Variants in NKAIN2 observed in about 807,000 individuals in gnomAD.
NKAIN2 encodes the protein sodium/potassium transporting ATPase interacting 2, also known as sodium/potassium-transporting ATPase subunit beta-1-interacting protein 2.
In NKAIN2, 14 loss-of-function variants were observed where a neutral mutation model predicts 32.6. The ratio of observed to expected loss-of-function variants is 0.43; its 90% CI spans 0.28 to 0.67. The LOEUF is 0.67. Ranked by LOEUF, NKAIN2 falls within the 30% of genes least tolerant of loss-of-function variation. NKAIN2 has a pLI of 0.17. For synonymous variants in NKAIN2, 80 were observed against 87.2 expected (o/e 0.92, Z 0.46); for missense variants, 198 against 258.3 (o/e 0.77, Z 1.60).
chr6:124,779,247 A>AAGAGAGAGAGAGAGAG (rs71024703), intron 4 of NKAIN2, among the ~76,000 whole-genome samples: 1 of 75,340 alleles, frequency 1.3e-5, no homozygotes, highest in Admixed American at 1.4e-4. Context: ...CCAACAAAGA[A>AAGAGAGAGAGAGAGAG]AGAGAGAGAG....
intron 3 of NKAIN2, among the ~76,000 whole-genome samples, chr6:124,409,600 A>G (rs1257050527): frequency 6.6e-6 from 1 of 152,150 alleles, no homozygotes. Context: ...GTTTGCCAGT[A>G]TTTTATTGAG....
intron 2 of NKAIN2, among the ~76,000 whole-genome samples, chr6:124,334,398 C>T (rs1583065882): frequency 6.6e-6 from 1 of 152,168 alleles, no homozygotes; most frequent in South Asian, 2.1e-4. Context: ...GAACACAAGA[C>T]TGGAGTTTTG....
intron 3 of NKAIN2, among the ~76,000 whole-genome samples, chr6:124,620,044 C>G (rs1456074464): frequency 6.6e-6 from 1 of 152,096 alleles, no homozygotes; most frequent in East Asian, 1.9e-4. Flanking sequence ...TTAAAGCTAC[C>G]TGGCTCATTA....
chr6:124,014,715 C>T (rs927225444), intron 1 of NKAIN2, among the ~76,000 whole-genome samples: 2 of 151,854 alleles, frequency 1.3e-5, no homozygotes, highest in African/African-American at 4.8e-5. Flanking sequence ...TAATAGTTAC[C>T]TCATGCTGTT....
At chr6:124,727,116 C>A (rs1197906129) in intron 4 of NKAIN2, among the ~76,000 whole-genome samples, 9 of 152,066 alleles carry the variant, frequency 5.9e-5, no homozygotes, top group East Asian at 1.9e-4. Context: ...GAATGGAACC[C>A]AGTTGGAAAA....
At chr6:124,374,572 C>T (rs1194688589) in intron 3 of NKAIN2, among the ~76,000 whole-genome samples, 1 of 152,030 alleles carries the variant, frequency 6.6e-6, no homozygotes, top group Non-Finnish European at 1.5e-5. Context: ...ACCTGACTAG[C>T]GAGAAAGCTT....
chr6:124,635,078 CAAAGAAA>C (rs755870457), intron 3 of NKAIN2, among the ~76,000 whole-genome samples: 50 of 147,760 alleles, frequency 3.4e-4, no homozygotes, highest in Non-Finnish European at 5.5e-4. Flanking sequence ...AGAAAAAAGA[CAAAGAAA>C]GAAAGAGAAA....
intron 1 of NKAIN2, among the ~76,000 whole-genome samples, chr6:123,841,653 A>G (rs776794480): frequency 6.6e-6 from 1 of 152,162 alleles, no homozygotes; most frequent in African/African-American, 2.4e-5. Context: ...GAAGAGAGTA[A>G]TGCAACCAAT....
intron 1 of NKAIN2, among the ~76,000 whole-genome samples, chr6:123,839,013 G>A (rs1774749399): frequency 6.6e-6 from 1 of 152,078 alleles, no homozygotes; most frequent in Non-Finnish European, 1.5e-5. Flanking sequence ...CATCTGCACC[G>A]TAGCTATCCT....
chr6:124,560,089 T>C (rs550688992), intron 3 of NKAIN2, among the ~76,000 whole-genome samples: 1 of 152,140 alleles, frequency 6.6e-6, no homozygotes, highest in East Asian at 1.9e-4. Context: ...GACAAGGAAA[T>C]ATATAGCATT....
At chr6:123,908,056 CAT>C (rs1452618042) in intron 1 of NKAIN2, among the ~76,000 whole-genome samples, 1 of 152,122 alleles carries the variant, frequency 6.6e-6, no homozygotes, top group East Asian at 1.9e-4. Context: ...TGGCAATTAA[CAT>C]GTGTTGTAGC....
chr6:124,474,625 A>G (rs1158464791), intron 3 of NKAIN2, among the ~76,000 whole-genome samples: 1 of 151,938 alleles, frequency 6.6e-6, no homozygotes, highest in Non-Finnish European at 1.5e-5. Flanking sequence ...TGACTAGCAC[A>G]TACTAAGTTT....
chr6:123,885,930 G>A (rs1773690379), intron 1 of NKAIN2, among the ~76,000 whole-genome samples: 1 of 148,870 alleles, frequency 6.7e-6, no homozygotes, highest in African/African-American at 2.5e-5. Context: ...AAATCCAGGT[G>A]AGTTAGAGCA....
At chr6:123,893,505 C>A (rs1774119346) in intron 1 of NKAIN2, among the ~76,000 whole-genome samples, 1 of 152,132 alleles carries the variant, frequency 6.6e-6, no homozygotes, top group Admixed American at 6.6e-5. Flanking sequence ...CTACTCCTAG[C>A]CTAATATAGA....
At chr6:124,394,430 G>T (rs9385331) in intron 3 of NKAIN2, among the ~76,000 whole-genome samples, 48,925 of 151,136 alleles carry the variant, frequency 0.32, 8,904 homozygotes, top group South Asian at 0.51. Flanking sequence ...ATTAGTCAGG[G>T]TTTTCCAGAA....
At chr6:124,537,721 T>C (rs2114837187) in intron 3 of NKAIN2, among the ~76,000 whole-genome samples, 1 of 152,308 alleles carries the variant, frequency 6.6e-6, no homozygotes, top group East Asian at 1.9e-4. Context: ...CTCTCTCCTC[T>C]CATCTTTGTA....
intron 1 of NKAIN2, among the ~76,000 whole-genome samples, chr6:123,811,795 T>A (rs1309427159): frequency 6.6e-6 from 1 of 152,096 alleles, no homozygotes; most frequent in African/African-American, 2.4e-5. Flanking sequence ...TTTTTTTTCA[T>A]AGAATCATTT....
At chr6:124,169,045 G>A (rs1788712821) in intron 1 of NKAIN2, among the ~76,000 whole-genome samples, 2 of 152,048 alleles carry the variant, frequency 1.3e-5, no homozygotes, top group African/African-American at 4.8e-5. Flanking sequence ...TATTTCTCAT[G>A]TTCAATATGT....
At chr6:124,258,830 C>A (rs978946334) in intron 1 of NKAIN2, among the ~76,000 whole-genome samples, 8 of 152,144 alleles carry the variant, frequency 5.3e-5, no homozygotes, top group Admixed American at 3.3e-4. Context: ...CAAATTTAAC[C>A]TTAGTCATTA....
Sources: gnomAD v4.1 joint callset for allele counts (sites outside exome capture counted in the v4.1 genomes callset) on GRCh38, gnomAD v4.1.1 for gene constraint, MANE v1.5 for transcripts, NCBI Gene and HGNC (gene_info 2026-07-23, HGNC 2026-07-21) for gene names.